KCNN3: variants seen among roughly 807,000 people sequenced by gnomAD.
KCNN3 encodes potassium calcium-activated channel subfamily N member 3.
KCNN3 carries 16 observed loss-of-function variants against 62.9 expected under a neutral mutation model. That is an observed-to-expected ratio of 0.25 (90% CI 0.17 to 0.39). The LOEUF (loss-of-function observed/expected upper bound fraction) is 0.39, where lower values mean the gene tolerates loss of function less well. KCNN3 is among the 10% of genes least tolerant of loss of function. KCNN3 has a pLI of 1.00. For synonymous variants in KCNN3, 370 were observed against 389.2 expected (o/e 0.95, Z 0.58); for missense variants, 599 against 949.4 (o/e 0.63, Z 4.85).
intron 2 of KCNN3, among the ~76,000 whole-genome samples, chr1:154,820,994 G>A (rs1426464997): frequency 1.3e-5 from 2 of 152,212 alleles, no homozygotes; most frequent in Non-Finnish European, 2.9e-5. Context: ...AAATGGGACT[G>A]GATTTGAACG....
At chr1:154,711,861 G>A (rs892323108) in intron 7 of KCNN3, among the ~76,000 whole-genome samples, 1 of 152,180 alleles carries the variant, frequency 6.6e-6, no homozygotes, top group Non-Finnish European at 1.5e-5. Flanking sequence ...GTTACAGTCT[G>A]TCGCGGGGAC....
intron 1 of KCNN3, among the ~76,000 whole-genome samples, chr1:154,832,355 C>T (rs1335475029): frequency 1.3e-5 from 2 of 151,978 alleles, no homozygotes; most frequent in African/African-American, 4.8e-5. Flanking sequence ...AAGGTCCTGA[C>T]ACCATACCTT....
chr1:154,857,800 T>G (rs1421281834), intron 1 of KCNN3, among the ~76,000 whole-genome samples: 3 of 152,198 alleles, frequency 2.0e-5, no homozygotes, highest in South Asian at 2.1e-4. Context: ...AGATGAGGTG[T>G]GTAAACACAC....
Position 154,800,833 on chromosome 1 carries a change from T to A in KCNN3, c.1029+21256A>T, listed in dbSNP as rs114973316. On this transcript the variant is annotated intron_variant, in intron 2 of 7. Coordinates refer to ENST00000271915, the MANE Select transcript of KCNN3 (RefSeq NM_002249.6). ...GCCAAGTCAGGCAGATGGCTTGAGCTCACGAGTTTGAGACCAGGCTGGGCA... is the reference window on the plus strand; with the variant it reads ...GCCAAGTCAGGCAGATGGCTTGAGCACACGAGTTTGAGACCAGGCTGGGCA... Among the ~76,000 whole-genome samples the A allele has an allele frequency of 3.3e-3, 507 of 152,230 alleles. 2 individuals are homozygous for A. Among genetic ancestry groups the A allele is most frequent in the African/African-American group, 0.011 (476 of 41,536 alleles).
intron 2 of KCNN3, among the ~76,000 whole-genome samples, chr1:154,788,115 C>A (rs927632896): frequency 6.6e-6 from 1 of 152,168 alleles, no homozygotes. Flanking sequence ...ATGGGCCTGT[C>A]GGTCACCCTT....
intron 3 of KCNN3, among the ~76,000 whole-genome samples, chr1:154,758,926 G>A (rs954460290): frequency 9.2e-5 from 14 of 151,966 alleles, no homozygotes; most frequent in African/African-American, 2.9e-4. Flanking sequence ...TCTTGCCTCG[G>A]CCTCGTGAGT....
intron 1 of KCNN3, among the ~76,000 whole-genome samples, chr1:154,830,944 G>C (rs555132966): frequency 1.2e-3 from 186 of 152,274 alleles, no homozygotes; most frequent in Middle Eastern, 3.4e-3. Context: ...TAAGGAGATG[G>C]TTTCCTTTAT....
chr1:154,791,226 C>T (rs1373391394), intron 2 of KCNN3, among the ~76,000 whole-genome samples: 1 of 117,830 alleles, frequency 8.5e-6, no homozygotes, highest in Non-Finnish European at 1.7e-5. Flanking sequence ...GAGACTCCAT[C>T]TCAAAAAAAA....
At chr1:154,729,354 A>G (rs892900447) in intron 4 of KCNN3, among the ~76,000 whole-genome samples, 1 of 152,068 alleles carries the variant, frequency 6.6e-6, no homozygotes. Context: ...GATGGGGTCC[A>G]CTTCTGATGA....
intron 5 of KCNN3, 81 bp downstream of exon 5, chr1:154,725,835 A>G: frequency 2.0e-6 from 2 of 1,019,644 alleles, no homozygotes; most frequent in Non-Finnish European, 3.1e-6. Flanking sequence ...GAGCCACTGC[A>G]CCCGTTGGAC....
chr1:154,740,484 A>C (rs924230073), intron 3 of KCNN3, among the ~76,000 whole-genome samples: 2 of 152,208 alleles, frequency 1.3e-5, no homozygotes, highest in Non-Finnish European at 2.9e-5. Context: ...TACACTGCAT[A>C]AGAGTTTCTC....
chr1:154,752,506 G>A (rs1445404649), intron 3 of KCNN3, among the ~76,000 whole-genome samples: 1 of 152,196 alleles, frequency 6.6e-6, no homozygotes, highest in African/African-American at 2.4e-5. Flanking sequence ...GCAGCCCCGG[G>A]CCAGCAGTGA....
chr1:154,770,248 G>C (rs1648484715), intron 3 of KCNN3, among the ~76,000 whole-genome samples: 2 of 152,250 alleles, frequency 1.3e-5, no homozygotes, highest in Admixed American at 6.5e-5. Context: ...ACACTGCACT[G>C]GCTCTCAGAA....
chr1:154,795,256 T>C (rs993130212), intron 2 of KCNN3, among the ~76,000 whole-genome samples: 6 of 152,222 alleles, frequency 3.9e-5, no homozygotes, highest in Admixed American at 2.6e-4. Context: ...TTGCGTAATC[T>C]GGGAAGCCAA....
At chr1:154,864,300 C>T (rs1652875726) in intron 1 of KCNN3, among the ~76,000 whole-genome samples, 1 of 152,250 alleles carries the variant, frequency 6.6e-6, no homozygotes, top group African/African-American at 2.4e-5. Context: ...AATACCAGGA[C>T]ACTGTGACAG....
chr1:154,842,691 G>A (rs1156583471), intron 1 of KCNN3, among the ~76,000 whole-genome samples: 1 of 141,156 alleles, frequency 7.1e-6, no homozygotes, highest in East Asian at 2.3e-4. Context: ...ATAATTAAAT[G>A]CTCAGTGCTA....
intron 2 of KCNN3, among the ~76,000 whole-genome samples, chr1:154,800,651 C>T (rs753269733): frequency 6.6e-6 from 1 of 152,138 alleles, no homozygotes; most frequent in Non-Finnish European, 1.5e-5. Context: ...TGATGCCAGC[C>T]AGCCTGAGAA....
chr1:154,868,233 C>T (rs1202948148), intron 1 of KCNN3: 3 of 985,548 alleles, frequency 3.0e-6, no homozygotes, highest in South Asian at 4.7e-5. Context: ...TCCAAGGCGG[C>T]GCCCAGCTGC....
intron 2 of KCNN3, among the ~76,000 whole-genome samples, chr1:154,805,002 A>G (rs1290206873): frequency 6.6e-6 from 1 of 152,254 alleles, no homozygotes; most frequent in African/African-American, 2.4e-5. Flanking sequence ...TACAAAGAGG[A>G]CATTAAAACA....
Sources: allele counts gnomAD v4.1 joint callset (sites outside exome capture counted in the v4.1 genomes callset), GRCh38; gene constraint gnomAD v4.1.1; transcripts MANE v1.5; gene names NCBI Gene and HGNC (gene_info 2026-07-23, HGNC 2026-07-21).